KIRREL3: variants seen among roughly 807,000 people sequenced by gnomAD.
KIRREL3 encodes kirre like nephrin family adhesion molecule 3, also known as kin of IRRE-like protein 3.
In KIRREL3, 36 loss-of-function variants were observed where a neutral mutation model predicts 89.7. The observed-to-expected ratio is 0.40, with a 90% CI of 0.31 to 0.53. The LOEUF (loss-of-function observed/expected upper bound fraction) is 0.53. KIRREL3 is among the 20% of genes least tolerant of loss of function. The pLI is 0.49. For missense variants in KIRREL3, 864 were observed against 1,056.6 expected, an observed-to-expected ratio of 0.82 and a Z score of 2.53; for synonymous variants, 445 against 441.4, an observed-to-expected ratio of 1.01 and a Z score of -0.10.
In KIRREL3 at chr11:126,768,252, A is replaced by C. The variant is rs975112243; in HGVS notation, c.56-205340T>G. Among the ~76,000 whole-genome samples the C allele has an allele frequency of 9.3e-5, 14 of 150,320 alleles. No individual in the cohort carries two copies. The highest frequency in any genetic ancestry group is 5.3e-4 in the Admixed American group (8 of 15,120). ...AATCTGTCCATCTGTCCATCCATACATGCATCCACCCATCCATCCATCCAT... is the reference window on the plus strand; with the variant it reads ...AATCTGTCCATCTGTCCATCCATACCTGCATCCACCCATCCATCCATCCAT... On this transcript the variant is annotated intron_variant, in intron 1 of 16. Coordinates refer to ENST00000525144, the MANE Select transcript of KIRREL3 (RefSeq NM_032531.4). The surrounding 1 kb of genome is among the most constrained non-coding windows in gnomAD (Gnocchi z 4.5).
chr11:126,752,638 C>T lies in KIRREL3; in HGVS notation c.56-189726G>A, dbSNP rs556675495. Among the ~76,000 whole-genome samples the T allele has an allele frequency of 6.6e-6, 1 of 152,252 alleles. No homozygotes were observed. Among genetic ancestry groups the T allele is most frequent in the Admixed American group, 6.5e-5 (1 of 15,298 alleles). On this transcript the variant is annotated intron_variant, in intron 1 of 16. Transcript: ENST00000525144. The surrounding 1 kb of genome is among the most constrained non-coding windows in gnomAD (Gnocchi z 4.8). ...ACTCTAATGACTACTATTCCCCCCC[C>T]ACCCACTGCCTCCCAAGATTCACAT...
rs376376973 is a variant in KIRREL3 at position 126,896,180 on chromosome 11, C to A, written c.55+104275G>T. 6.6e-6 allele frequency among the ~76,000 whole-genome samples: 1 copy of A among 152,230 alleles called. No individual in the cohort carries two copies. Among genetic ancestry groups the A allele is most frequent in the African/African-American group, 2.4e-5 (1 of 41,466 alleles). ...CTGGACCTGTTAAAGGCAAGGCCTT[C>A]ATTAGTCAGAGAGAAGTCATTCTCC... is the stretch of plus-strand genomic sequence containing the variant. On this transcript the variant is annotated intron_variant, in intron 1 of 16. Transcript: ENST00000525144. This position sits in a 1 kb window ranked among gnomAD's most constrained non-coding sequence, Gnocchi z 4.1.
intron 1 of KIRREL3, among the ~76,000 whole-genome samples, chr11:126,941,838 C>T (rs1208153102): frequency 3.9e-5 from 6 of 152,228 alleles, no homozygotes; most frequent in African/African-American, 1.4e-4. Flanking sequence ...AAAACTTTCC[C>T]TCTTGCTTTC....
At chr11:126,713,945 T>G (rs1233100388) in intron 1 of KIRREL3, among the ~76,000 whole-genome samples, 1 of 152,194 alleles carries the variant, frequency 6.6e-6, no homozygotes, top group African/African-American at 2.4e-5. Flanking sequence ...AGCTAAGGAC[T>G]GCAGACCAAA....
At chr11:126,881,453 T>C (rs1369029996) in intron 1 of KIRREL3, among the ~76,000 whole-genome samples, 6 of 152,188 alleles carry the variant, frequency 3.9e-5, no homozygotes, top group African/African-American at 9.7e-5. Context: ...GTACTTTCCT[T>C]GGTCATGGTC....
chr11:126,868,707 C>T (rs1355852163), intron 1 of KIRREL3, among the ~76,000 whole-genome samples: 1 of 152,136 alleles, frequency 6.6e-6, no homozygotes, highest in Non-Finnish European at 1.5e-5. Context: ...TTCTTATCCT[C>T]TCAGCAGCAT....
Position 126,563,983 on chromosome 11 carries a change from C to T in KIRREL3, c.56-1071G>A, listed in dbSNP as rs57538932. On this transcript the variant is annotated intron_variant, in intron 1 of 16. Transcript: ENST00000525144. The surrounding 1 kb of genome is among the most constrained non-coding windows in gnomAD (Gnocchi z 6.8). Reference sequence around the variant, plus strand: ...AATGACTTCCCACGATTGTCTTAGACCCCCACCCCACCTTGTAGCATAGAA... The same window carrying T: ...AATGACTTCCCACGATTGTCTTAGATCCCCACCCCACCTTGTAGCATAGAA... Among the ~76,000 whole-genome samples, 4,175 of 152,240 alleles carry T rather than the reference C, an allele frequency of 0.027. 181 individuals carry two copies. The highest frequency in any genetic ancestry group is 0.094 in the African/African-American group (3,917 of 41,518).
At chr11:126,479,783 CTT>C (rs1957171856) in intron 4 of KIRREL3, among the ~76,000 whole-genome samples, 1 of 152,182 alleles carries the variant, frequency 6.6e-6, no homozygotes, top group African/African-American at 2.4e-5. Flanking sequence ...GTTACACGAT[CTT>C]GTTTCAGAAC....
At chr11:126,980,566 T>C (rs1006862406) in intron 1 of KIRREL3, among the ~76,000 whole-genome samples, 1 of 151,862 alleles carries the variant, frequency 6.6e-6, no homozygotes, top group East Asian at 1.9e-4. Flanking sequence ...TAGGGTGCTA[T>C]AATAGTTTTG....
intron 1 of KIRREL3, among the ~76,000 whole-genome samples, chr11:126,921,212 A>T (rs1167629054): frequency 2.0e-5 from 3 of 152,100 alleles, no homozygotes; most frequent in African/African-American, 7.2e-5. Flanking sequence ...GCTCCCCCAG[A>T]TCTCAGGCCT....
intron 1 of KIRREL3, among the ~76,000 whole-genome samples, chr11:126,861,112 A>T (rs903023192): frequency 4.6e-5 from 7 of 152,136 alleles, no homozygotes; most frequent in African/African-American, 1.7e-4. Context: ...CTTGTTTTGT[A>T]CTAAGGATAT....
In KIRREL3 at chr11:126,519,354, G is replaced by C. The variant is rs1013726294; in HGVS notation, c.433+1961C>G. Among the ~76,000 whole-genome samples the C allele has an allele frequency of 6.6e-6, 1 of 152,220 alleles. No homozygotes were observed. The highest frequency in any genetic ancestry group is 1.5e-5 in the Non-Finnish European group (1 of 68,032). ...GCTTGGAGCTGAAAAATCTGGAGTT[G>C]ATTTTGAAGGTTAATTAAGCTGTGT... On this transcript the variant is annotated intron_variant, in intron 4 of 16. Transcript: ENST00000525144. This position sits in a 1 kb window ranked among gnomAD's most constrained non-coding sequence, Gnocchi z 4.3.
intron 1 of KIRREL3, among the ~76,000 whole-genome samples, chr11:126,960,295 A>G (rs1949046338): frequency 6.6e-6 from 1 of 152,202 alleles, no homozygotes; most frequent in African/African-American, 2.4e-5. Context: ...TAATATCCTA[A>G]CTACCTACCA....
intron 1 of KIRREL3, among the ~76,000 whole-genome samples, chr11:126,646,938 A>G (rs986708873): frequency 6.6e-6 from 1 of 152,158 alleles, no homozygotes; most frequent in African/African-American, 2.4e-5. Context: ...ATGTTGCACC[A>G]CCGATGAGCC....
At chr11:126,688,928 A>C (rs914093547) in intron 1 of KIRREL3, among the ~76,000 whole-genome samples, 6 of 152,144 alleles carry the variant, frequency 3.9e-5, no homozygotes, top group Admixed American at 6.5e-5. Context: ...AGGAAATAAA[A>C]GCAAGAAAAT....
At chr11:126,701,648 C>T (rs1275678939) in intron 1 of KIRREL3, among the ~76,000 whole-genome samples, 1 of 152,092 alleles carries the variant, frequency 6.6e-6, no homozygotes, top group Non-Finnish European at 1.5e-5. Context: ...CCACAGAGCT[C>T]CCTTCACCAG....
intron 1 of KIRREL3, among the ~76,000 whole-genome samples, chr11:126,732,886 A>G (rs1432788546): frequency 6.6e-6 from 1 of 152,254 alleles, no homozygotes; most frequent in African/African-American, 2.4e-5. Flanking sequence ...CTGAAGTTAA[A>G]GAATAATGCT....
rs1591735813 is a variant in KIRREL3 at position 126,558,613 on chromosome 11, T to C, written c.133+4222A>G. ...GGTTGCACTGTAATCTCTAGAGTTG[T>C]TGACAGGTCTAACATAGAGGAGGCC... On this transcript the variant is annotated intron_variant, in intron 2 of 16. Coordinates refer to ENST00000525144, the MANE Select transcript of KIRREL3 (RefSeq NM_032531.4). This position sits in a 1 kb window ranked among gnomAD's most constrained non-coding sequence, Gnocchi z 4.0. Among the ~76,000 whole-genome samples the C allele has an allele frequency of 6.6e-6, 1 of 152,306 alleles. No homozygotes were observed. Among genetic ancestry groups the C allele is most frequent in the East Asian group, 1.9e-4 (1 of 5,178 alleles).
chr11:126,846,748 A>G (rs1944156841), intron 1 of KIRREL3, among the ~76,000 whole-genome samples: 2 of 152,196 alleles, frequency 1.3e-5, no homozygotes, highest in South Asian at 4.1e-4. Flanking sequence ...AAAAGATTAT[A>G]AGAAGCTGTG....
Sources: gnomAD v4.1 joint callset for allele counts (sites outside exome capture counted in the v4.1 genomes callset) on GRCh38, gnomAD v4.1.1 for gene constraint, Gnocchi (gnomAD v3.1) non-coding constraint, MANE v1.5 for transcripts, NCBI Gene and HGNC (gene_info 2026-07-23, HGNC 2026-07-21) for gene names.